Variants in NPC1 observed in about 807,000 individuals in gnomAD.
NPC1 encodes the protein Niemann-Pick C1 protein.
In NPC1, 85 loss-of-function variants were observed where a neutral mutation model predicts 140.4. That is an observed-to-expected ratio of 0.61 (90% CI 0.51 to 0.72). NPC1 has a LOEUF of 0.72. Among genes scored for constraint, NPC1 ranks in the 30% least tolerant of loss-of-function variants. The pLI, the probability that NPC1 is intolerant of heterozygous loss-of-function variation, is 0.00. For missense variants in NPC1, 1,504 were observed against 1,623.8 expected (o/e 0.93, Z 1.27); for synonymous variants, 656 against 624.8 (o/e 1.05, Z -0.74).
intron 1 of NPC1, among the ~76,000 whole-genome samples, chr18:23,584,120 C>T (rs1315106160): frequency 6.6e-6 from 1 of 152,172 alleles, no homozygotes; most frequent in Non-Finnish European, 1.5e-5. Flanking sequence ...GTTTTAAAAA[C>T]AAGGCAGTCT....
intron 3 of NPC1, among the ~76,000 whole-genome samples, chr18:23,516,724 CTTCTTTT>C (rs2058016606): frequency 7.1e-6 from 1 of 140,428 alleles, no homozygotes; most frequent in Admixed American, 7.1e-5. Context: ...AGAATTTCTT[CTTCTTTT>C]TTTTTTTTTT....
In NPC1 at chr18:23,554,903, C is replaced by G. The variant is rs2058928045; in HGVS notation, c.1408G>C (p.Ala470Pro). ...TTCGTGTTATACGGTGAAAGAGGGG[C>G]CAAGCAGATGTCTTGAAGTGTCACA... Reference protein sequence around the residue: ...ETVTLQDICLAPLSPYNTNCT... With the variant: ...ETVTLQDICLPPLSPYNTNCT... Residue 470 changes from alanine (A) to proline (P), a missense_variant, in exon 9 of 25, where the codon GCC (alanine) becomes CCC (proline). Ala to Pro is a conservative substitution (Grantham distance 27). Transcript: ENST00000269228. 4 of 1,613,948 alleles carry G rather than the reference C, an allele frequency of 2.5e-6. No homozygotes were observed. The South Asian group carries it at 4.4e-5, about 18-fold the overall frequency.
rs534610726 is a variant in NPC1, at chr18:23,543,721, C to T, written c.2131-152G>A. 9.4e-6 allele frequency: 6 copies of T among 637,082 alleles called. No homozygotes were observed. In the Admixed American group the frequency reaches 1.6e-4, roughly 17 times the overall value. 39.5% of individuals were successfully genotyped at this position (637,082 alleles called of 1,614,324 possible). A position where few individuals can be genotyped will look rare whatever the true frequency, so the allele number is the denominator to read the frequency against. Reference sequence around the variant, plus strand: ...GCATATAAACTTCGGTGGGGGACTCCAATGTTCTCAGAGTATTTCTGCACT... The same window carrying T: ...GCATATAAACTTCGGTGGGGGACTCTAATGTTCTCAGAGTATTTCTGCACT... On this transcript the variant is annotated intron_variant, in intron 13 of 24. Transcript: ENST00000269228.
rs1788799 is a variant in NPC1, at chr18:23,544,981, C to A, written c.1926G>T (p.Met642Ile). ...FLYISLALGH[M>I]KSCRRLLVDS... ...TTACCAGAAGCCTGCGACAGCTTTT[C>A]ATGTGCCCCAAGGCTAGGGAAATAT... Residue 642 changes from methionine to isoleucine, a missense_variant, in exon 12 of 25, where the codon ATG becomes ATT. Coordinates refer to ENST00000269228, the MANE Select transcript of NPC1 (RefSeq NM_000271.5). 3 of 1,587,836 alleles carry A rather than the reference C, an allele frequency of 1.9e-6. No individual in the cohort carries two copies. The highest frequency in any genetic ancestry group is 1.7e-5 in the Admixed American group (1 of 57,754).
intron 19 of NPC1, 98 bp downstream of exon 19, chr18:23,539,257 C>CA (rs1428725425): frequency 3.8e-6 from 3 of 798,666 alleles, no homozygotes; most frequent in African/African-American, 1.7e-5. Flanking sequence ...CTTTGATATA[C>CA]AAATAGGTAT....
chr18:23,560,428 G>C lies in NPC1; in HGVS notation c.684C>G (p.Asp228Glu). The change falls in exon 6 of 25, where the codon GAC becomes GAG. Residue 228 changes from aspartate (D) to glutamate (E), a missense_variant. Transcript: ENST00000269228. The part of the protein sequence containing the change: ...EPMNNATKGC[D>E]ESVDEVTAPC... ...GTGCTGTGACCTCATCCACAGACTC[G>C]TCACAGCCTTTGGTGGCATTGTTCA... 1.2e-6 allele frequency: 2 copies of C among 1,614,136 alleles called. No individual in the cohort carries two copies. Among genetic ancestry groups the C allele is most frequent in the Non-Finnish European group, 1.7e-6 (2 of 1,180,008 alleles).
At position 23,531,717 on chromosome 18, in the gene NPC1, T is replaced by C. The variant is rs1335003152; in HGVS notation, c.*485A>G. ...TACAACATTCTGAAATCACTTGCTG[T>C]TTTTTTATATAAAAATGTGTACAAA... is the stretch of plus-strand genomic sequence containing the variant. On this transcript the variant is annotated 3_prime_UTR_variant, in exon 25 of 25. Coordinates refer to ENST00000269228, the MANE Select transcript of NPC1 (RefSeq NM_000271.5). 1 of 1,599,394 alleles carries C rather than the reference T, an allele frequency of 6.3e-7. No homozygotes were observed.
At chr18:23,580,353 T>TC (rs1392321142) in intron 1 of NPC1, among the ~76,000 whole-genome samples, 1 of 152,198 alleles carries the variant, frequency 6.6e-6, no homozygotes, top group Non-Finnish European at 1.5e-5. Context: ...CAGTGATGTA[T>TC]CCTCAGAATT....
chr18:23,538,885 T>C, intron 19 of NPC1: 1 of 586,668 alleles, frequency 1.7e-6, no homozygotes, highest in Non-Finnish European at 3.0e-6. Context: ...ATCTTAGGCA[T>C]ACTATGCATC....
rs761854570 is a variant in NPC1 at position 23,532,168 on chromosome 18, A to G, written c.*34T>C. 1.2e-6 allele frequency: 2 copies of G among 1,614,066 alleles called. No homozygotes were observed. Among genetic ancestry groups the G allele is most frequent in the Non-Finnish European group, 1.7e-6 (2 of 1,180,034 alleles). On this transcript the variant is annotated 3_prime_UTR_variant, in exon 25 of 25. Coordinates refer to ENST00000269228, the MANE Select transcript of NPC1 (RefSeq NM_000271.5). ...TCCAGTGGTAAACCGACCGACCCTT[A>G]GACACAGTTCAGTCAGGATGCCCTG...
chr18:23,573,329 G>A (rs948578661), intron 2 of NPC1, 123 bp downstream of exon 2: 278 of 1,360,980 alleles, frequency 2.0e-4, no homozygotes, highest in East Asian at 4.6e-5. Flanking sequence ...TGAGAGTCCG[G>A]GATAAGACTT....
At chr18:23,559,244 G>A (rs1180837384) in intron 6 of NPC1, among the ~76,000 whole-genome samples, 1 of 152,132 alleles carries the variant, frequency 6.6e-6, no homozygotes, top group African/African-American at 2.4e-5. Context: ...ACCCAGTAAT[G>A]GGATGGCTGG....
intron 9 of NPC1, among the ~76,000 whole-genome samples, chr18:23,553,298 T>C (rs2058901280): frequency 6.6e-6 from 1 of 152,244 alleles, no homozygotes; most frequent in Non-Finnish European, 1.5e-5. Context: ...TTATAAAAAT[T>C]ATGTAACATT....
chr18:23,520,197 C>T, downstream of NPC1: 2 of 1,611,224 alleles, frequency 1.2e-6, no homozygotes, highest in Middle Eastern at 1.7e-4. Flanking sequence ...CTTTTTCCCC[C>T]CCAGACATCG....
chr18:23,544,639 T>C (rs2058758758), intron 12 of NPC1, 113 bp from the exon 13 acceptor site: 1 of 948,916 alleles, frequency 1.1e-6, no homozygotes, highest in Non-Finnish European at 1.7e-6. Context: ...TAGAGTTGAA[T>C]GTACAATTCT....
intron 7 of NPC1, 104 bp from the exon 8 acceptor site, chr18:23,556,717 G>A: frequency 1.3e-6 from 2 of 1,538,296 alleles, no homozygotes; most frequent in Non-Finnish European, 1.8e-6. Flanking sequence ...CAGGAATCAA[G>A]CCCACCTGGG....
At chr18:23,506,839 C>T (rs191200494) in intron 3 of NPC1, 33 of 663,508 alleles carry the variant, frequency 5.0e-5, no homozygotes, top group East Asian at 1.5e-4. Context: ...TGATGGCTTC[C>T]GAAACATAAT....
intron 4 of NPC1, among the ~76,000 whole-genome samples, chr18:23,561,989 C>G (rs1467516616): frequency 6.6e-6 from 1 of 152,074 alleles, no homozygotes; most frequent in Non-Finnish European, 1.5e-5. Flanking sequence ...GGTCACGTGT[C>G]AATAAACCTA....
intron 22 of NPC1, 115 bp downstream of exon 22, chr18:23,535,354 A>C (rs2058612358): frequency 1.2e-6 from 1 of 800,800 alleles, no homozygotes; most frequent in Admixed American, 2.0e-5. Flanking sequence ...TGCCAAGAGC[A>C]AGCGCCAGAC....
Sources: gnomAD v4.1 joint callset for allele counts (sites outside exome capture counted in the v4.1 genomes callset) on GRCh38, gnomAD v4.1.1 for gene constraint, MANE v1.5 for transcripts, NCBI Gene and HGNC (gene_info 2026-07-23, HGNC 2026-07-21) for gene names.